The following CCDC12 variants were observed in gnomAD, a reference collection of about 807,000 sequenced individuals.
CCDC12 encodes the protein coiled-coil domain containing 12.
CCDC12 carries 28 observed loss-of-function variants against 25.7 expected under a neutral mutation model. That is an observed-to-expected ratio of 1.09 (90% CI 0.81 to 1.50). The LOEUF is 1.50. Among genes scored for constraint, CCDC12 ranks in the 40% most tolerant of loss-of-function variants. CCDC12 has a pLI of 0.00. For synonymous variants in CCDC12, 75 were observed against 87.7 expected (o/e 0.86, Z 0.81); for missense variants, 198 against 210.0 (o/e 0.94, Z 0.35).
chr3:46,955,425 G>A (rs1479600634), intron 1 of CCDC12, among the ~76,000 whole-genome samples: 1 of 152,154 alleles, frequency 6.6e-6, no homozygotes, highest in African/African-American at 2.4e-5. Flanking sequence ...TGCATCCAAA[G>A]CCTGAATGCC....
In CCDC12 at chr3:46,922,255, CCT is replaced by C; in HGVS notation, c.397_398del (p.Arg133GlyfsTer8). The C allele has an allele frequency of 6.2e-7, 1 of 1,614,270 alleles. No individual in the cohort carries two copies. The highest frequency in any genetic ancestry group is 1.1e-5 in the South Asian group (1 of 91,092). On this transcript the variant is annotated frameshift_variant, in exon 6 of 7. Transcript: ENST00000683445. LOFTEE classifies it high-confidence loss of function. The stretch of plus-strand genomic sequence containing the variant: ...ACTTACGGATCAGCTCGGCAATGGC[CCT>C]CTGAGTCCGCTTTTTTAGTTTCTCC... The part of the protein sequence containing the change: ...KLEKLKKRTQ[R>X]AIAELIRERL...
chr3:46,964,742 G>A (rs141040281), intron 1 of CCDC12, among the ~76,000 whole-genome samples: 19,659 of 152,070 alleles, frequency 0.13, 1,675 homozygotes, highest in East Asian at 0.29. Flanking sequence ...TTAAACAGAT[G>A]CTTGAAGGCA....
In CCDC12 at chr3:46,923,597, AGG is replaced by A. The variant is rs1329355804; in HGVS notation, c.306+8_306+9del. On this transcript the variant is annotated splice_region_variant and intron_variant, in intron 4 of 6. Transcript: ENST00000683445. ...AGCAGCGAGGATGCCAGGGTGGTCC[AGG>A]CACTCACCACCTCCTCGATGACGGG... 5 of 1,604,704 alleles carry A rather than the reference AGG, an allele frequency of 3.1e-6. No homozygotes were observed. Among genetic ancestry groups the A allele is most frequent in the Non-Finnish European group, 4.3e-6 (5 of 1,175,622 alleles).
At chr3:46,979,236 C>T (rs1307123403), upstream of CCDC12, among the ~76,000 whole-genome samples, 1 of 152,232 alleles carries the variant, frequency 6.6e-6, no homozygotes, top group Non-Finnish European at 1.5e-5. Context: ...CGCCATCACA[C>T]TCCACAAACA....
Position 46,923,367 on chromosome 3 carries a change from G to A in CCDC12, c.307-4C>T, listed in dbSNP as rs754957571. ...GAGGAGCGAGGTTGGCCAGGTCCTGGGAAGGGAGGAGACACACATCAGGGT... is the reference window on the plus strand; with the variant it reads ...GAGGAGCGAGGTTGGCCAGGTCCTGAGAAGGGAGGAGACACACATCAGGGT... On this transcript the variant is annotated splice_polypyrimidine_tract_variant and splice_region_variant and intron_variant, in intron 4 of 6. Coordinates refer to ENST00000683445, the MANE Select transcript of CCDC12 (RefSeq NM_001277074.2). The A allele has an allele frequency of 6.7e-7, 1 of 1,494,018 alleles. No individual in the cohort carries two copies. Among genetic ancestry groups the A allele is most frequent in the African/African-American group, 1.4e-5 (1 of 70,694 alleles). 92.5% of individuals were successfully genotyped at this position (1,494,018 alleles called of 1,614,324 possible).
chr3:46,948,511 C>T (rs570533034), intron 1 of CCDC12, among the ~76,000 whole-genome samples: 4 of 152,286 alleles, frequency 2.6e-5, no homozygotes, highest in East Asian at 3.9e-4. Flanking sequence ...GGAAGGAAGG[C>T]GCCTTTGACA....
intron 2 of CCDC12, among the ~76,000 whole-genome samples, chr3:46,926,145 A>G (rs1186554622): frequency 1.3e-5 from 2 of 152,236 alleles, no homozygotes; most frequent in Non-Finnish European, 2.9e-5. Context: ...ACATGTGGAC[A>G]GAGAAGCAGG....
At chr3:46,936,824 T>G (rs2033461317) in intron 2 of CCDC12, among the ~76,000 whole-genome samples, 1 of 152,190 alleles carries the variant, frequency 6.6e-6, no homozygotes. Context: ...CTGAGGCAGA[T>G]GGACCCTGCT....
chr3:46,937,657 T>A (rs1448794248), intron 2 of CCDC12, among the ~76,000 whole-genome samples: 1 of 152,204 alleles, frequency 6.6e-6, no homozygotes, highest in Non-Finnish European at 1.5e-5. Context: ...GCATCCTGCA[T>A]GAGAGCCCCT....
chr3:46,976,715 A>C lies in CCDC12; in HGVS notation c.18T>G (p.Ala6=), dbSNP rs948405833. The change falls in exon 1 of 7, where the codon GCT becomes GCG. Residue 6 remains alanine, a synonymous_variant. Transcript: ENST00000683445. MEATT[A]GVGRLEEEAL... is the part of the protein sequence containing the mutation. ...CCTCTTCCTCTAGCCGGCCCACACC[A>C]GCCGTAGTTGCCTCCATCTTGCCCG... is the stretch of plus-strand genomic sequence containing the variant. 4 of 1,608,664 alleles carry C rather than the reference A, an allele frequency of 2.5e-6. No individual in the cohort carries two copies. Among genetic ancestry groups the C allele is most frequent in the Non-Finnish European group, 3.4e-6 (4 of 1,177,534 alleles).
At chr3:46,932,157 A>C (rs1156593480) in intron 2 of CCDC12, among the ~76,000 whole-genome samples, 2 of 152,216 alleles carry the variant, frequency 1.3e-5, no homozygotes, top group African/African-American at 2.4e-5. Flanking sequence ...CTGACCCGGT[A>C]ACCCTGCTCT....
At chr3:46,964,977 A>T (rs2034597171) in intron 1 of CCDC12, among the ~76,000 whole-genome samples, 2 of 151,842 alleles carry the variant, frequency 1.3e-5, no homozygotes, top group African/African-American at 4.8e-5. Context: ...AAATAAAATA[A>T]AATAAAATAA....
chr3:46,972,058 T>G (rs1374839942), intron 1 of CCDC12, among the ~76,000 whole-genome samples: 1 of 111,644 alleles, frequency 9.0e-6, no homozygotes, highest in Non-Finnish European at 2.2e-5. Context: ...GGCATTCACC[T>G]TAATAAAAAA....
chr3:46,932,102 C>T (rs1044640946), intron 2 of CCDC12, among the ~76,000 whole-genome samples: 22 of 152,170 alleles, frequency 1.4e-4, no homozygotes, highest in African/African-American at 4.8e-4. Flanking sequence ...GCTCTAGAGG[C>T]TGATCTGGTC....
chr3:46,976,903 G>T (rs1427121895), upstream of CCDC12: 37 of 880,274 alleles, frequency 4.2e-5, no homozygotes, highest in East Asian at 1.1e-4. Context: ...GCCCCGCCCC[G>T]CCCCGCCCCG....
chr3:46,936,669 T>A (rs1448844846), intron 2 of CCDC12, among the ~76,000 whole-genome samples: 1 of 152,178 alleles, frequency 6.6e-6, no homozygotes. Context: ...GGACTGCTGC[T>A]GAACCAAGAA....
intron 4 of CCDC12, 29 bp downstream of exon 4, chr3:46,923,578 G>A (rs1282239437): frequency 1.6e-5 from 25 of 1,601,420 alleles, no homozygotes; most frequent in South Asian, 7.9e-5. Context: ...CAGAAGCAGC[G>A]AGGATGCCAG....
chr3:46,924,650 C>T (rs2032858285), intron 3 of CCDC12, among the ~76,000 whole-genome samples: 1 of 152,154 alleles, frequency 6.6e-6, no homozygotes, highest in Non-Finnish European at 1.5e-5. Flanking sequence ...GAGTTCAAGA[C>T]CAGCCTGGCC....
intron 1 of CCDC12, among the ~76,000 whole-genome samples, chr3:46,948,748 G>A (rs985297420): frequency 1.3e-5 from 2 of 152,262 alleles, no homozygotes; most frequent in African/African-American, 4.8e-5. Context: ...CATGCCTAGT[G>A]CAGCTCCTCG....
Sources: allele counts gnomAD v4.1 joint callset (sites outside exome capture counted in the v4.1 genomes callset), GRCh38; gene constraint gnomAD v4.1.1; transcripts MANE v1.5; gene names NCBI Gene and HGNC (gene_info 2026-07-23, HGNC 2026-07-21).